The following SH3BP5 variants were observed in gnomAD, a reference collection of about 807,000 sequenced individuals.
SH3BP5 encodes SH3 domain-binding protein 5.
Under a neutral mutation model 43.3 loss-of-function variants are expected in SH3BP5, and 22 were observed. The ratio of observed to expected loss-of-function variants is 0.51; its 90% confidence interval spans 0.36 to 0.73. SH3BP5 has a LOEUF of 0.73. SH3BP5 is among the 30% of genes least tolerant of loss of function. The probability of loss-of-function intolerance (pLI) is 0.00; values close to 1 mark genes in which losing one functional copy is unlikely to be tolerated. For synonymous variants in SH3BP5, 255 were observed against 225.8 expected, an observed-to-expected ratio of 1.13 and a Z score of -1.16; for missense variants, 529 against 586.9, an observed-to-expected ratio of 0.90 and a Z score of 1.02.
chr3:15,257,223 T>G (rs1696243729), intron 7 of SH3BP5, 110 bp from the exon 8 acceptor site: 2 of 1,132,978 alleles, frequency 1.8e-6, no homozygotes, highest in East Asian at 2.4e-5. Flanking sequence ...AAAGAGTCTC[T>G]ACCTCTGTGA....
Position 15,309,768 on chromosome 3 carries a change from A to G in SH3BP5, c.202-5537T>C, listed in dbSNP as rs148185934. Among the ~76,000 whole-genome samples, 844 of 152,190 alleles carry G rather than the reference A, an allele frequency of 5.5e-3. 5 individuals are homozygous for G. Among genetic ancestry groups the G allele is most frequent in the Non-Finnish European group, 7.4e-3 (505 of 67,992 alleles). ...AAGGGTATTAAACCCAGAAGACTTG[A>G]TTTGACATCAGCGTTTCCTTCTATA... is the stretch of plus-strand genomic sequence containing the variant. On this transcript the variant is annotated intron_variant, in intron 2 of 8. Coordinates refer to ENST00000383791, the MANE Select transcript of SH3BP5 (RefSeq NM_004844.5).
At chr3:15,291,764 T>C (rs1697419432) in intron 3 of SH3BP5, among the ~76,000 whole-genome samples, 1 of 152,164 alleles carries the variant, frequency 6.6e-6, no homozygotes, top group Non-Finnish European at 1.5e-5. Flanking sequence ...TTCCAAGCTA[T>C]GGGAATGTTT....
intron 2 of SH3BP5, among the ~76,000 whole-genome samples, chr3:15,307,425 T>C (rs760859965): frequency 5.3e-5 from 8 of 152,186 alleles, no homozygotes; most frequent in Non-Finnish European, 7.4e-5. Flanking sequence ...GAAACACAGA[T>C]TCACTGCTGA....
chr3:15,305,320 T>G (rs1470172417), intron 2 of SH3BP5, among the ~76,000 whole-genome samples: 2 of 152,236 alleles, frequency 1.3e-5, no homozygotes, highest in African/African-American at 4.8e-5. Flanking sequence ...CAGCCATCTC[T>G]GACAGCTTCA....
intron 4 of SH3BP5, 48 bp from the exon 5 acceptor site, chr3:15,262,337 G>C: frequency 6.3e-7 from 1 of 1,593,810 alleles, no homozygotes; most frequent in African/African-American, 1.4e-5. Context: ...GAACAGCCCA[G>C]GCTTGGAATA....
intron 2 of SH3BP5, among the ~76,000 whole-genome samples, chr3:15,313,436 T>C (rs1308805012): frequency 6.6e-6 from 1 of 152,218 alleles, no homozygotes; most frequent in Non-Finnish European, 1.5e-5. Flanking sequence ...TAGAATTCTA[T>C]GATAAAAGGC....
At chr3:15,328,368 G>C (rs1187471058) in intron 2 of SH3BP5, among the ~76,000 whole-genome samples, 1 of 150,876 alleles carries the variant, frequency 6.6e-6, no homozygotes, top group East Asian at 1.9e-4. Flanking sequence ...TCATTACCCA[G>C]AACAGTGGCC....
At chr3:15,287,045 G>A (rs1307971579) in intron 3 of SH3BP5, among the ~76,000 whole-genome samples, 1 of 152,186 alleles carries the variant, frequency 6.6e-6, no homozygotes, top group Non-Finnish European at 1.5e-5. Flanking sequence ...GTGTGACCCT[G>A]AGTACTTTCT....
chr3:15,281,937 G>A (rs1697142021), intron 3 of SH3BP5, among the ~76,000 whole-genome samples: 1 of 152,182 alleles, frequency 6.6e-6, no homozygotes, highest in South Asian at 2.1e-4. Flanking sequence ...CTGGGAGGCG[G>A]AGGTTGCAGT....
rs373879792 is a variant in SH3BP5, at chr3:15,320,640, A to ACACACACACACACACACACACACC, written c.201+9863_201+9864insGGTGTGTGTGTGTGTGTGTGTGTG. On this transcript the variant is annotated intron_variant, in intron 2 of 8. Transcript: ENST00000383791. ...CACACACACACACACACACACACAC[A>ACACACACACACACACACACACACC]CCCCACTACGTTAAAGTCCCTACAA... Among the ~76,000 whole-genome samples, 111 of 149,660 alleles carry ACACACACACACACACACACACACC rather than the reference A, an allele frequency of 7.4e-4. 1 individual carries two copies. The highest frequency in any genetic ancestry group is 1.2e-3 in the East Asian group (6 of 5,110).
At chr3:15,257,910 G>A (rs1162250487) in intron 7 of SH3BP5, among the ~76,000 whole-genome samples, 1 of 152,112 alleles carries the variant, frequency 6.6e-6, no homozygotes, top group Non-Finnish European at 1.5e-5. Context: ...ATACTGTAAT[G>A]TTGGGGACAG....
intron 3 of SH3BP5, chr3:15,273,455 T>C (rs531462518): frequency 1.0e-5 from 10 of 960,218 alleles, no homozygotes; most frequent in Non-Finnish European, 1.1e-5. Flanking sequence ...GAGAAGAACA[T>C]GTGCTGTCAA....
intron 3 of SH3BP5, among the ~76,000 whole-genome samples, chr3:15,284,944 A>C (rs1049593966): frequency 6.6e-6 from 1 of 152,218 alleles, no homozygotes; most frequent in African/African-American, 2.4e-5. Context: ...CTTTGGAGTT[A>C]AGATGCTACA....
Position 15,296,671 on chromosome 3 carries a change from C to CCTCTCATT in SH3BP5, c.330+7431_330+7432insAATGAGAG, listed in dbSNP as rs200011787. 6.8e-3 allele frequency among the ~76,000 whole-genome samples: 1,022 copies of CCTCTCATT among 150,810 alleles called. 20 individuals carry two copies. The highest frequency in any genetic ancestry group is 0.024 in the African/African-American group (978 of 40,798). On this transcript the variant is annotated intron_variant, in intron 3 of 8. Transcript: ENST00000383791. ...CCTTTGCAGAACATCAGCCTCTCATCCTCCACTTACGAAGTGTTTTTCCTT... is the reference window on the plus strand; with the variant it reads ...CCTTTGCAGAACATCAGCCTCTCATCCTCTCATTCTCCACTTACGAAGTGTTTTTCCTT...
At chr3:15,332,012 C>G in intron 1 of SH3BP5, 1 of 523,112 alleles carries the variant, frequency 1.9e-6, no homozygotes, top group East Asian at 3.7e-5. Context: ...CCACCAGGCA[C>G]GCTGCACCGA....
intron 3 of SH3BP5, among the ~76,000 whole-genome samples, chr3:15,271,290 C>A (rs1290565423): frequency 6.6e-6 from 1 of 152,014 alleles, no homozygotes; most frequent in Non-Finnish European, 1.5e-5. Flanking sequence ...AGGCAGGAGA[C>A]CGCTTGAGGT....
upstream of SH3BP5, among the ~76,000 whole-genome samples, chr3:15,334,657 G>A (rs1447450703): frequency 6.6e-6 from 1 of 152,106 alleles, no homozygotes; most frequent in Non-Finnish European, 1.5e-5. Flanking sequence ...CTGACTTAAA[G>A]TATACAGGAG....
intron 3 of SH3BP5, among the ~76,000 whole-genome samples, chr3:15,296,439 C>T (rs1453068724): frequency 6.6e-6 from 1 of 151,980 alleles, no homozygotes; most frequent in African/African-American, 2.4e-5. Flanking sequence ...TTTTATAAGA[C>T]TGCCATGAGG....
intron 4 of SH3BP5, among the ~76,000 whole-genome samples, chr3:15,265,256 C>T (rs1696591513): frequency 6.6e-6 from 1 of 152,114 alleles, no homozygotes; most frequent in African/African-American, 2.4e-5. Context: ...GGGCTCATGC[C>T]TGTAATCCCA....
Sources: allele counts gnomAD v4.1 joint callset (sites outside exome capture counted in the v4.1 genomes callset), GRCh38; gene constraint gnomAD v4.1.1; transcripts MANE v1.5; gene names NCBI Gene and HGNC (gene_info 2026-07-23, HGNC 2026-07-21).